EEIG2: variants seen among roughly 807,000 people sequenced by gnomAD.
EEIG2 encodes family with sequence similarity 102 member B.
At chr1:108,598,333 C>G in the EEIG2 span, among the ~76,000 whole-genome samples, 1 of 9,178 alleles carries the variant, frequency 1.1e-4, no homozygotes, top group Non-Finnish European at 3.0e-4. Context: ...GACCCTGTAT[C>G]CAAAAAAAAA....
At chr1:108,608,030 T>G in the EEIG2 span, among the ~76,000 whole-genome samples, 1 of 152,238 alleles carries the variant, frequency 6.6e-6, no homozygotes, top group Non-Finnish European at 1.5e-5. Context: ...AATTTACGTG[T>G]GTCTGGCATG....
the EEIG2 span, chr1:108,637,606 A>C: frequency 6.6e-6 from 1 of 152,206 alleles, no homozygotes. Flanking sequence ...TCAAATTTCA[A>C]ATCACCCAGT....
At chr1:108,580,042 A>G in the EEIG2 span, among the ~76,000 whole-genome samples, 1 of 152,034 alleles carries the variant, frequency 6.6e-6, no homozygotes, top group Non-Finnish European at 1.5e-5. Context: ...TGAGATTACA[A>G]ATGTGAGCCA....
chr1:108,567,276 G>A, the EEIG2 span, among the ~76,000 whole-genome samples: 1,458 of 152,272 alleles, frequency 9.6e-3, 23 homozygotes, highest in African/African-American at 0.033. Flanking sequence ...CACTTTCCCA[G>A]TGCGTCAGGA....
At chr1:108,576,070 C>A in the EEIG2 span, among the ~76,000 whole-genome samples, 3 of 152,136 alleles carry the variant, frequency 2.0e-5, no homozygotes, top group Non-Finnish European at 4.4e-5. Flanking sequence ...TGTTCTCAAA[C>A]TCCCGGGTTC....
the EEIG2 span, chr1:108,638,923 T>G: frequency 6.6e-6 from 1 of 152,240 alleles, no homozygotes; most frequent in Admixed American, 6.5e-5. Flanking sequence ...GACAAAATTT[T>G]TAATTTACAC....
the EEIG2 span, chr1:108,560,122 AGGCGGCGGCGGC>A: frequency 3.4e-5 from 6 of 174,520 alleles, no homozygotes; most frequent in Non-Finnish European, 5.6e-5. Context: ...GCGGCGGCGG[AGGCGGCGGCGGC>A]GGCGGCGGCG....
the EEIG2 span, among the ~76,000 whole-genome samples, chr1:108,596,623 T>A: frequency 0.14 from 20,848 of 152,200 alleles, 2,071 homozygotes; most frequent in African/African-American, 0.28. Context: ...ATGCTTTTTT[T>A]AAAAATATAG....
the EEIG2 span, among the ~76,000 whole-genome samples, chr1:108,564,419 A>G: frequency 6.6e-6 from 1 of 152,232 alleles, no homozygotes. Context: ...TAAAGAAGTC[A>G]GGAAAATTAT....
At chr1:108,566,810 A>T in the EEIG2 span, among the ~76,000 whole-genome samples, 3 of 152,178 alleles carry the variant, frequency 2.0e-5, no homozygotes, top group African/African-American at 7.2e-5. Context: ...CATCTCACAT[A>T]TATGTGGGAT....
the EEIG2 span, among the ~76,000 whole-genome samples, chr1:108,601,517 G>A: frequency 1.3e-5 from 2 of 150,732 alleles, no homozygotes; most frequent in Non-Finnish European, 3.0e-5. Flanking sequence ...TATAAAAGAA[G>A]CCATAAAAGA....
chr1:108,616,304 GAAA>G, the EEIG2 span: 1 of 904,434 alleles, frequency 1.1e-6, no homozygotes, highest in South Asian at 1.5e-5. Context: ...TTTCCCAATA[GAAA>G]ATATCGGACT....
chr1:108,564,525 G>A, the EEIG2 span, among the ~76,000 whole-genome samples: 15 of 152,350 alleles, frequency 9.8e-5, no homozygotes, highest in Admixed American at 2.6e-4. Flanking sequence ...ACAGCCTGAT[G>A]AGTAGTGGGA....
At chr1:108,607,443 A>T in the EEIG2 span, among the ~76,000 whole-genome samples, 1 of 152,178 alleles carries the variant, frequency 6.6e-6, no homozygotes, top group South Asian at 2.1e-4. Context: ...TGGTTAGCTT[A>T]AACTAATCAC....
the EEIG2 span, among the ~76,000 whole-genome samples, chr1:108,615,787 A>T: frequency 2.7e-4 from 36 of 133,300 alleles, no homozygotes; most frequent in East Asian, 5.0e-3. Context: ...CTCAAGAATT[A>T]AAAAAAAAAA....
chr1:108,595,657 T>C, the EEIG2 span, among the ~76,000 whole-genome samples: 1 of 136,260 alleles, frequency 7.3e-6, no homozygotes, highest in Non-Finnish European at 1.6e-5. Context: ...TAATAGCTTT[T>C]ACATGCTGGA....
the EEIG2 span, among the ~76,000 whole-genome samples, chr1:108,576,866 C>T: frequency 2.0e-5 from 3 of 152,122 alleles, no homozygotes; most frequent in South Asian, 4.1e-4. Flanking sequence ...CCTGAAGAAT[C>T]GCCACACTGA....
At chr1:108,610,177 A>G in the EEIG2 span, among the ~76,000 whole-genome samples, 2 of 152,210 alleles carry the variant, frequency 1.3e-5, no homozygotes, top group Admixed American at 1.3e-4. Context: ...TTGTTCATTA[A>G]AGTAGGAGAA....
chr1:108,617,388 T>C, the EEIG2 span, among the ~76,000 whole-genome samples: 10 of 152,286 alleles, frequency 6.6e-5, no homozygotes, highest in Admixed American at 6.5e-4. Flanking sequence ...GTTTTAAGCC[T>C]GAGTAACTGG....
Sources: allele counts gnomAD v4.1 joint callset (sites outside exome capture counted in the v4.1 genomes callset), GRCh38; gene constraint gnomAD v4.1.1; transcripts MANE v1.5; gene names NCBI Gene and HGNC (gene_info 2026-07-23, HGNC 2026-07-21).